NRXN1: variants seen among roughly 807,000 people sequenced by gnomAD.
NRXN1 encodes neurexin 1, also known as neurexin-1.
In NRXN1, 39 loss-of-function variants were observed where a neutral mutation model predicts 150.9. The observed-to-expected ratio is 0.26, with a 90% CI of 0.20 to 0.34. The LOEUF (loss-of-function observed/expected upper bound fraction) is 0.34. Among genes scored for constraint, NRXN1 ranks in the 10% least tolerant of loss-of-function variants. The pLI is 1.00. For synonymous variants in NRXN1, 924 were observed against 757.0 expected, an observed-to-expected ratio of 1.22 and a Z score of -3.62; for missense variants, 1,815 against 1,949.9, an observed-to-expected ratio of 0.93 and a Z score of 1.30.
At chr2:49,936,968 C>T (rs938535671) in intron 22 of NRXN1, among the ~76,000 whole-genome samples, 2 of 152,184 alleles carry the variant, frequency 1.3e-5, no homozygotes, top group African/African-American at 4.8e-5. Context: ...TAGGCTTCTT[C>T]CTGCCTCTGG....
intron 18 of NRXN1, among the ~76,000 whole-genome samples, chr2:50,163,756 T>C (rs1484286955): frequency 1.3e-5 from 2 of 152,164 alleles, no homozygotes; most frequent in East Asian, 3.9e-4. Context: ...ATATACACGT[T>C]TTGATCTACT....
At chr2:50,935,029 G>A (rs533613494) in intron 2 of NRXN1, among the ~76,000 whole-genome samples, 16 of 152,070 alleles carry the variant, frequency 1.1e-4, no homozygotes, top group African/African-American at 1.7e-4. Flanking sequence ...CCTCATTCTC[G>A]CAGTATGCCC....
intron 2 of NRXN1, among the ~76,000 whole-genome samples, chr2:51,017,863 T>C (rs373516144): frequency 1.3e-5 from 2 of 152,106 alleles, no homozygotes; most frequent in Non-Finnish European, 2.9e-5. Flanking sequence ...TTAAAGAGCT[T>C]AAGCTGTATA....
chr2:50,682,167 T>C (rs1212780521), intron 5 of NRXN1, among the ~76,000 whole-genome samples: 6 of 152,212 alleles, frequency 3.9e-5, no homozygotes, highest in Non-Finnish European at 8.8e-5. Flanking sequence ...TTTCATCTTC[T>C]ATGTCCTAAA....
chr2:50,335,819 G>C (rs1202637013), intron 17 of NRXN1, among the ~76,000 whole-genome samples: 1 of 150,764 alleles, frequency 6.6e-6, no homozygotes, highest in Non-Finnish European at 1.5e-5. Context: ...AATCAGTCTA[G>C]AATGATAAGA....
At chr2:50,198,608 G>A (rs1482495012) in intron 18 of NRXN1, among the ~76,000 whole-genome samples, 4 of 152,068 alleles carry the variant, frequency 2.6e-5, no homozygotes, top group South Asian at 2.1e-4. Flanking sequence ...TTAAGTGTTT[G>A]TTTTGCTTTC....
chr2:50,171,233 T>A (rs986626331), intron 18 of NRXN1, among the ~76,000 whole-genome samples: 3 of 101,780 alleles, frequency 2.9e-5, no homozygotes, highest in Non-Finnish European at 5.8e-5. Flanking sequence ...TGTTCAAGAC[T>A]CAAGTGTGTG....
intron 17 of NRXN1, among the ~76,000 whole-genome samples, chr2:50,298,219 C>T (rs1363243144): frequency 2.6e-5 from 4 of 152,142 alleles, no homozygotes; most frequent in Admixed American, 2.0e-4. Flanking sequence ...AATATCTTTA[C>T]CACTGAAAAT....
At chr2:50,438,935 G>C (rs1457862628) in intron 17 of NRXN1, among the ~76,000 whole-genome samples, 1 of 152,194 alleles carries the variant, frequency 6.6e-6, no homozygotes, top group Non-Finnish European at 1.5e-5. Flanking sequence ...TTTGGCAAAA[G>C]ACTTGCTATT....
intron 5 of NRXN1, among the ~76,000 whole-genome samples, chr2:50,723,623 C>A (rs1040883348): frequency 6.6e-6 from 1 of 152,156 alleles, no homozygotes; most frequent in East Asian, 1.9e-4. Flanking sequence ...ATAAAGTTAC[C>A]CAGAGGGCCT....
intron 21 of NRXN1, among the ~76,000 whole-genome samples, chr2:50,004,519 T>G (rs1684453136): frequency 2.0e-5 from 3 of 152,286 alleles, no homozygotes; most frequent in Middle Eastern, 6.8e-3. Flanking sequence ...TTAGGCTATT[T>G]GGCATATTCA....
chr2:50,075,450 C>G (rs1696936096), intron 19 of NRXN1, among the ~76,000 whole-genome samples: 1 of 152,092 alleles, frequency 6.6e-6, no homozygotes, highest in Admixed American at 6.5e-5. Context: ...GAATAAATGC[C>G]TCAACAGGAA....
intron 5 of NRXN1, among the ~76,000 whole-genome samples, chr2:50,903,730 T>A (rs1037603009): frequency 6.6e-6 from 1 of 152,186 alleles, no homozygotes; most frequent in Non-Finnish European, 1.5e-5. Flanking sequence ...AAGGGAGCTG[T>A]GTTGGCAAAA....
chr2:50,358,216 C>T (rs1235592511), intron 17 of NRXN1, among the ~76,000 whole-genome samples: 3 of 152,142 alleles, frequency 2.0e-5, no homozygotes, highest in African/African-American at 7.2e-5. Context: ...GTGCCTCGAA[C>T]GTCAGCGAGA....
intron 21 of NRXN1, among the ~76,000 whole-genome samples, chr2:49,999,398 T>C (rs1683537042): frequency 6.6e-6 from 1 of 152,198 alleles, no homozygotes; most frequent in Non-Finnish European, 1.5e-5. Flanking sequence ...ATGGAATTTA[T>C]ATATTTATAA....
At chr2:50,467,096 T>C (rs939588644) in intron 16 of NRXN1, among the ~76,000 whole-genome samples, 1 of 151,462 alleles carries the variant, frequency 6.6e-6, no homozygotes, top group African/African-American at 2.4e-5. Flanking sequence ...ATATAATCCA[T>C]CATAAAGGAA....
At chr2:50,668,554 T>C (rs1688394144) in intron 5 of NRXN1, among the ~76,000 whole-genome samples, 1 of 152,052 alleles carries the variant, frequency 6.6e-6, no homozygotes, top group Non-Finnish European at 1.5e-5. Context: ...CAATAGGTTG[T>C]GTTTTGCTTT....
chr2:51,000,051 C>A (rs995760883), intron 2 of NRXN1, among the ~76,000 whole-genome samples: 1 of 151,948 alleles, frequency 6.6e-6, no homozygotes, highest in African/African-American at 2.4e-5. Context: ...CTTCAATTAC[C>A]GTGCCCATCT....
chr2:50,885,727 G>A (rs1439902250), intron 5 of NRXN1, among the ~76,000 whole-genome samples: 1 of 151,076 alleles, frequency 6.6e-6, no homozygotes, highest in Non-Finnish European at 1.5e-5. Context: ...TATGCCTGAT[G>A]ATGATATTAG....
Sources: gnomAD v4.1 joint callset for allele counts (sites outside exome capture counted in the v4.1 genomes callset) on GRCh38, gnomAD v4.1.1 for gene constraint, MANE v1.5 for transcripts, NCBI Gene and HGNC (gene_info 2026-07-23, HGNC 2026-07-21) for gene names.